The following ASB15 variants were observed in gnomAD, a reference collection of about 807,000 sequenced individuals.
ASB15 encodes the protein ankyrin repeat and SOCS box protein 15.
In ASB15, 54 loss-of-function variants were observed where a neutral mutation model predicts 58.0. That is an observed-to-expected ratio of 0.93 (90% CI 0.75 to 1.17). The LOEUF is 1.17. Ranked by LOEUF, ASB15 falls within the 50% of genes most tolerant of loss-of-function variation. The probability of loss-of-function intolerance (pLI) is 0.00; values close to 1 mark genes in which losing one functional copy is unlikely to be tolerated. For missense variants in ASB15, 680 were observed against 707.4 expected, an observed-to-expected ratio of 0.96 and a Z score of 0.44; for synonymous variants, 249 against 262.4, an observed-to-expected ratio of 0.95 and a Z score of 0.50.
chr7:123,582,067 G>A (rs556342469), intron 1 of ASB15, among the ~76,000 whole-genome samples: 1 of 151,922 alleles, frequency 6.6e-6, no homozygotes, highest in Non-Finnish European at 1.5e-5. Flanking sequence ...CATCTATATT[G>A]TAATGGTAAA....
In ASB15 at chr7:123,636,850, C is replaced by G; in HGVS notation, c.1636C>G (p.Arg546Gly). Residue 546 changes from arginine (R) to glycine (G), a missense_variant, in exon 12 of 12, where the codon CGA becomes GGA. By Grantham distance (125) the Arg-to-Gly change is moderately radical. Transcript: ENST00000451215. ...GAAGCATTTGTGTCGGTTAAAAATTCGAAGGCTTATGGGTCTCCAGAAACT... is the reference window on the plus strand; with the variant it reads ...GAAGCATTTGTGTCGGTTAAAAATTGGAAGGCTTATGGGTCTCCAGAAACT... ...SLKHLCRLKI[R>G]RLMGLQKLCQ... is the part of the protein sequence containing the mutation. 1 of 1,611,428 alleles carries G rather than the reference C, an allele frequency of 6.2e-7. No homozygotes were observed.
intron 6 of ASB15, 76 bp from the exon 7 acceptor site, chr7:123,617,503 T>C: frequency 3.0e-6 from 4 of 1,315,310 alleles, no homozygotes; most frequent in Non-Finnish European, 4.2e-6. Context: ...GTATATAATA[T>C]TGGATTGCTC....
At chr7:123,607,867 G>A (rs544686624) in intron 2 of ASB15, among the ~76,000 whole-genome samples, 9 of 152,248 alleles carry the variant, frequency 5.9e-5, no homozygotes, top group South Asian at 2.1e-4. Flanking sequence ...ATCAGGGCAC[G>A]TCTACTAATA....
intron 1 of ASB15, among the ~76,000 whole-genome samples, chr7:123,580,496 C>G (rs1372352420): frequency 6.6e-6 from 1 of 151,954 alleles, no homozygotes; most frequent in Non-Finnish European, 1.5e-5. Flanking sequence ...ACCCCCTAAG[C>G]CTTACTTCTT....
upstream of ASB15, among the ~76,000 whole-genome samples, chr7:123,600,575 A>G (rs1401863458): frequency 1.3e-5 from 2 of 152,222 alleles, no homozygotes; most frequent in Non-Finnish European, 2.9e-5. Flanking sequence ...TCATTGAAAA[A>G]TTCCAAATTA....
At chr7:123,579,100 T>C (rs1799152885) in intron 1 of ASB15, among the ~76,000 whole-genome samples, 1 of 152,012 alleles carries the variant, frequency 6.6e-6, no homozygotes, top group Non-Finnish European at 1.5e-5. Context: ...GTCTATTGTA[T>C]CCATCTTTAT....
At chr7:123,631,897 T>G (rs1039277320) in intron 11 of ASB15, among the ~76,000 whole-genome samples, 4 of 151,868 alleles carry the variant, frequency 2.6e-5, no homozygotes, top group African/African-American at 9.7e-5. Context: ...GCTAACAAGG[T>G]GAAACCCCGT....
chr7:123,578,140 A>G (rs182545244), intron 1 of ASB15, among the ~76,000 whole-genome samples: 73 of 150,992 alleles, frequency 4.8e-4, no homozygotes, highest in African/African-American at 1.6e-3. Context: ...ATAAAAGGAC[A>G]AATGAATAGT....
intron 1 of ASB15, among the ~76,000 whole-genome samples, chr7:123,572,309 T>A (rs1798933677): frequency 6.6e-6 from 1 of 151,308 alleles, no homozygotes; most frequent in South Asian, 2.1e-4. Flanking sequence ...GCCCGCTTAA[T>A]TTTTGTATTT....
At chr7:123,599,734 T>A (rs1799811461), upstream of ASB15, among the ~76,000 whole-genome samples, 1 of 152,238 alleles carries the variant, frequency 6.6e-6, no homozygotes, top group Non-Finnish European at 1.5e-5. Flanking sequence ...GCTATAATTA[T>A]CATTTTGAAA....
At chr7:123,568,332 G>A (rs1430408692) in intron 1 of ASB15, among the ~76,000 whole-genome samples, 1 of 151,864 alleles carries the variant, frequency 6.6e-6, no homozygotes, top group African/African-American at 2.4e-5. Context: ...GACCAACGTG[G>A]AGAAACCCCA....
At chr7:123,570,858 T>C (rs1356636860) in intron 1 of ASB15, among the ~76,000 whole-genome samples, 1 of 152,212 alleles carries the variant, frequency 6.6e-6, no homozygotes, top group Non-Finnish European at 1.5e-5. Context: ...TATGGATTTC[T>C]CTTCAAAATC....
At chr7:123,594,855 T>A (rs1371471452) in intron 1 of ASB15, among the ~76,000 whole-genome samples, 1 of 152,208 alleles carries the variant, frequency 6.6e-6, no homozygotes, top group Admixed American at 6.5e-5. Context: ...GCAGAAGCTG[T>A]CTGCTGCCTT....
intron 4 of ASB15, among the ~76,000 whole-genome samples, chr7:123,614,918 T>A (rs1305033992): frequency 6.6e-6 from 1 of 151,906 alleles, no homozygotes; most frequent in Non-Finnish European, 1.5e-5. Flanking sequence ...AATTTGAACA[T>A]ATTTGCAAGT....
intron 11 of ASB15, among the ~76,000 whole-genome samples, chr7:123,633,570 G>A (rs1241257656): frequency 6.6e-6 from 1 of 152,054 alleles, no homozygotes; most frequent in Non-Finnish European, 1.5e-5. Flanking sequence ...AAACTCATAA[G>A]CTATTTTATC....
intron 1 of ASB15, chr7:123,584,870 AGAG>A: frequency 6.6e-6 from 1 of 151,954 alleles, no homozygotes; most frequent in Non-Finnish European, 1.5e-5. Context: ...TTCCTGGGTG[AGAG>A]TCAATATTTT....
chr7:123,575,988 A>G (rs984497425), intron 1 of ASB15, among the ~76,000 whole-genome samples: 3 of 150,592 alleles, frequency 2.0e-5, no homozygotes, highest in East Asian at 3.9e-4. Flanking sequence ...GTTGGCTTCT[A>G]TTTTCTTCAG....
chr7:123,595,689 C>G (rs982111727), intron 1 of ASB15, among the ~76,000 whole-genome samples: 26 of 152,206 alleles, frequency 1.7e-4, no homozygotes, highest in Non-Finnish European at 1.5e-5. Context: ...TTGTTAAATA[C>G]TGCACTGGTG....
At chr7:123,589,569 T>C (rs974206950) in intron 1 of ASB15, among the ~76,000 whole-genome samples, 11 of 152,114 alleles carry the variant, frequency 7.2e-5, no homozygotes, top group African/African-American at 2.4e-4. Flanking sequence ...GAATATGCTG[T>C]GTTTGGTTTT....
Sources: allele counts gnomAD v4.1 joint callset (sites outside exome capture counted in the v4.1 genomes callset), GRCh38; gene constraint gnomAD v4.1.1; transcripts MANE v1.5; gene names NCBI Gene and HGNC (gene_info 2026-07-23, HGNC 2026-07-21).